Variants in MEIOB observed in about 807,000 individuals in gnomAD.
MEIOB encodes meiosis specific with OB-fold.
A neutral mutation model predicts 53.1 loss-of-function variants in MEIOB; 50 were observed. That is an observed-to-expected ratio of 0.94 (90% confidence interval 0.75 to 1.19). The LOEUF is 1.19. Among genes scored for constraint, MEIOB ranks in the 50% most tolerant of loss-of-function variants. The pLI is 0.00. For synonymous variants in MEIOB, 192 were observed against 182.5 expected (o/e 1.05, Z -0.42); for missense variants, 551 against 550.8 (o/e 1.00, Z 0.00).
chr16:1,840,389 A>C (rs901288038), intron 11 of MEIOB, among the ~76,000 whole-genome samples: 2 of 152,072 alleles, frequency 1.3e-5, no homozygotes, highest in African/African-American at 4.8e-5. Context: ...AACTAATGAG[A>C]ACACACACAC....
intron 9 of MEIOB, among the ~76,000 whole-genome samples, chr16:1,846,328 G>A (rs1003684980): frequency 1.3e-5 from 2 of 152,136 alleles, no homozygotes; most frequent in African/African-American, 2.4e-5. Context: ...GGTCCTCACT[G>A]ACAATAGCGT....
At chr16:1,852,278 T>C (rs1299546407) in intron 9 of MEIOB, among the ~76,000 whole-genome samples, 2 of 137,022 alleles carry the variant, frequency 1.5e-5, no homozygotes, top group East Asian at 2.4e-4. Context: ...TTTTTTTTTT[T>C]TTTGAGACGG....
intron 6 of MEIOB, 35 bp downstream of exon 6, chr16:1,857,700 A>C (rs408286): frequency 0.84 from 1,276,153 of 1,523,220 alleles, 535,361 homozygotes; most frequent in Middle Eastern, 0.88. Flanking sequence ...CTCCCCTGCC[A>C]GATTGCACTT....
intron 6 of MEIOB, 37 bp from the exon 7 acceptor site, chr16:1,854,237 A>C: frequency 8.0e-7 from 1 of 1,243,828 alleles, no homozygotes; most frequent in Non-Finnish European, 1.1e-6. Context: ...CTTCACCTAT[A>C]TGTAGAAGTT....
At chr16:1,871,263 A>G (rs1220430131) in intron 1 of MEIOB, among the ~76,000 whole-genome samples, 1 of 150,874 alleles carries the variant, frequency 6.6e-6, no homozygotes, top group African/African-American at 2.4e-5. Flanking sequence ...TCTGTCGCCC[A>G]GGCTGGAGCG....
Position 1,868,139 on chromosome 16 carries a change from G to T in MEIOB, c.37C>A (p.Leu13Ile). 1 of 1,534,672 alleles carries T rather than the reference G, an allele frequency of 6.5e-7. No individual in the cohort carries two copies. The highest frequency in any genetic ancestry group is 8.8e-7 in the Non-Finnish European group (1 of 1,135,202). The change falls in exon 2 of 14, where the codon CTT (leucine) becomes ATT (isoleucine). Residue 13 changes from leucine (L) to isoleucine (I), a missense_variant. By Grantham distance (5) the Leu-to-Ile change is conservative. Transcript: ENST00000325962. ...NSFAARIFTT[L>I]SDLQTNMANL... The stretch of plus-strand genomic sequence containing the variant: ...GCCATATTTGTCTGCAGATCTGAAA[G>T]GGTAGTGAAAATCCTCGCTGCAAAG...
At chr16:1,846,083 T>C (rs906687612) in intron 9 of MEIOB, among the ~76,000 whole-genome samples, 5 of 152,232 alleles carry the variant, frequency 3.3e-5, no homozygotes, top group African/African-American at 1.2e-4. Flanking sequence ...ACTCATCTCC[T>C]TCCTTGTTCC....
At chr16:1,844,457 A>G (rs749778301) in intron 10 of MEIOB, among the ~76,000 whole-genome samples, 3 of 150,976 alleles carry the variant, frequency 2.0e-5, no homozygotes, top group Non-Finnish European at 4.4e-5. Context: ...TTATTTTTTT[A>G]TTTTTTGAGA....
chr16:1,855,994 C>CTTTA (rs750011574), intron 6 of MEIOB, among the ~76,000 whole-genome samples: 46 of 145,664 alleles, frequency 3.2e-4, no homozygotes, highest in Non-Finnish European at 6.1e-4. Flanking sequence ...ACTCTTGCCT[C>CTTTA]TTTATTTATT....
At chr16:1,865,582 T>G (rs391543) in intron 3 of MEIOB, among the ~76,000 whole-genome samples, 196 bp downstream of exon 3, 102,004 of 151,390 alleles carry the variant, frequency 0.67, 34,543 homozygotes, top group Middle Eastern at 0.78. Context: ...TACATATATA[T>G]AGAGAGAGAG....
chr16:1,847,351 A>G (rs1224695800), intron 9 of MEIOB, among the ~76,000 whole-genome samples: 1 of 151,714 alleles, frequency 6.6e-6, no homozygotes, highest in Non-Finnish European at 1.5e-5. Flanking sequence ...AATCCCAGCT[A>G]CTTGGGGGGC....
intron 6 of MEIOB, among the ~76,000 whole-genome samples, chr16:1,855,799 C>T (rs1899285078): frequency 6.6e-6 from 1 of 152,180 alleles, no homozygotes; most frequent in South Asian, 2.1e-4. Context: ...CAGATGCTCC[C>T]CAGGTGGCAG....
chr16:1,839,197 T>TG, intron 12 of MEIOB, 58 bp downstream of exon 12: 1 of 1,474,378 alleles, frequency 6.8e-7, no homozygotes, highest in Non-Finnish European at 9.0e-7. Context: ...TATATTTTTT[T>TG]GGGAAAAAGC....
rs1344047558 is a variant in MEIOB, at chr16:1,854,133, T to C, written c.596A>G (p.Tyr199Cys). 28 of 1,550,962 alleles carry C rather than the reference T, an allele frequency of 1.8e-5. No individual in the cohort carries two copies. The highest frequency in any genetic ancestry group is 1.7e-4 in the Middle Eastern group (1 of 5,988). Residue 199 changes from tyrosine (Y) to cysteine (C), a missense_variant, in exon 7 of 14, where the codon TAT becomes TGT. Coordinates refer to ENST00000325962, the MANE Select transcript of MEIOB (RefSeq NM_001163560.3). ...RKGQRCEVRL[Y>C]DETESSFAMT... The stretch of plus-strand genomic sequence containing the variant: ...CGCAAAAGACGACTCTGTTTCATCA[T>C]AGAGTCTAACTTCACACCTCTGGCC...
rs752083463 is a variant in MEIOB, at chr16:1,841,967, G to C, written c.887C>G (p.Thr296Arg). The change falls in exon 11 of 14, where the codon ACA becomes AGA. Residue 296 changes from threonine (T) to arginine (R), a missense_variant. Transcript: ENST00000325962. ...SYFKESINLS[T>R]IVDVYTVEQL... is the part of the protein sequence containing the mutation. Reference sequence around the variant, plus strand: ...TTCAACTGTGTAGACATCAACTATTGTACTTACTAAAAACAGAAAGAAGTA... The same window carrying C: ...TTCAACTGTGTAGACATCAACTATTCTACTTACTAAAAACAGAAAGAAGTA... 4 of 1,558,214 alleles carry C rather than the reference G, an allele frequency of 2.6e-6. No homozygotes were observed. Among genetic ancestry groups the C allele is most frequent in the Non-Finnish European group, 3.5e-6 (4 of 1,154,998 alleles).
At chr16:1,867,568 C>A (rs1010289106) in intron 2 of MEIOB, among the ~76,000 whole-genome samples, 3 of 145,650 alleles carry the variant, frequency 2.1e-5, no homozygotes, top group Non-Finnish European at 4.5e-5. Flanking sequence ...CGCCTTCTGG[C>A]TTCAAGCGAT....
intron 9 of MEIOB, among the ~76,000 whole-genome samples, chr16:1,848,303 CAG>C (rs1209744289): frequency 3.3e-5 from 5 of 152,270 alleles, no homozygotes; most frequent in African/African-American, 1.2e-4. Context: ...ATGTGGCTTG[CAG>C]AATACATTAT....
Position 1,853,069 on chromosome 16 carries a change from T to C in MEIOB, c.748A>G (p.Ile250Val), listed in dbSNP as rs768050594. The C allele has an allele frequency of 1.9e-6, 3 of 1,612,464 alleles. No homozygotes were observed. The highest frequency in any genetic ancestry group is 1.3e-5 in the African/African-American group (1 of 74,910). The change falls in exon 9 of 14, where the codon ATC (isoleucine) becomes GTC (valine). Residue 250 changes from isoleucine (I) to valine (V), a missense_variant. Ile to Val is a conservative substitution (Grantham distance 29). Transcript: ENST00000325962. ...TTAGTTGTAATAATGGTTTTTGAGA[T>C]TACAGTTGCTGTCATGCAGTTCCGA... ...KFRNCMTATV[I>V]SKTIITTNPD...
chr16:1,871,387 T>G (rs1899741286), intron 1 of MEIOB, among the ~76,000 whole-genome samples: 2 of 99,154 alleles, frequency 2.0e-5, no homozygotes, highest in African/African-American at 3.8e-5. Flanking sequence ...GCCTGGCTAA[T>G]TTTTTGTATT....
Sources: allele counts gnomAD v4.1 joint callset (sites outside exome capture counted in the v4.1 genomes callset), GRCh38; gene constraint gnomAD v4.1.1; transcripts MANE v1.5; gene names NCBI Gene and HGNC (gene_info 2026-07-23, HGNC 2026-07-21).